Variants in LRRC37A2 observed in about 807,000 individuals in gnomAD.
LRRC37A2 encodes leucine rich repeat containing 37 member A2, also known as leucine-rich repeat-containing protein 37A2.
In LRRC37A2, 9 loss-of-function variants were observed where a neutral mutation model predicts 68.8. That is an observed-to-expected ratio of 0.13 (90% CI 0.08 to 0.23). The LOEUF (loss-of-function observed/expected upper bound fraction) is 0.23, where lower values mean the gene tolerates loss of function less well. Among genes scored for constraint, LRRC37A2 ranks in the 10% least tolerant of loss-of-function variants. The pLI is 1.00. For missense variants in LRRC37A2, 168 were observed against 950.4 expected (o/e 0.18, Z 10.82); for synonymous variants, 63 against 367.6 (o/e 0.17, Z 9.48).
chr17:46,497,668 G>A, the LRRC37A2 span, among the ~76,000 whole-genome samples: 1 of 149,854 alleles, frequency 6.7e-6, no homozygotes, highest in Non-Finnish European at 1.5e-5. Flanking sequence ...TACTTTCAGT[G>A]TATATTATAT....
chr17:46,787,903 C>T, the LRRC37A2 span, among the ~76,000 whole-genome samples: 2 of 151,296 alleles, frequency 1.3e-5, no homozygotes, highest in Admixed American at 6.6e-5. Flanking sequence ...TTTCAGTGAG[C>T]CGAGATTGTG....
the LRRC37A2 span, chr17:47,049,091 G>A: frequency 4.1e-5 from 32 of 772,700 alleles, no homozygotes; most frequent in South Asian, 1.6e-5. Flanking sequence ...CTCTCTGAAT[G>A]GCACTCAAAT....
chr17:46,473,931 A>G, the LRRC37A2 span, among the ~76,000 whole-genome samples: 30 of 108,036 alleles, frequency 2.8e-4, 1 homozygote, highest in African/African-American at 3.6e-4. Context: ...TATCCTTATC[A>G]GAGATTTAAT....
the LRRC37A2 span, among the ~76,000 whole-genome samples, chr17:46,710,452 A>G: frequency 2.0e-5 from 3 of 152,336 alleles, no homozygotes; most frequent in South Asian, 6.2e-4. Flanking sequence ...TTACACATAT[A>G]AACTTAACAT....
At chr17:46,409,412 T>C in the LRRC37A2 span, among the ~76,000 whole-genome samples, 1 of 150,958 alleles carries the variant, frequency 6.6e-6, no homozygotes, top group African/African-American at 2.4e-5. Flanking sequence ...CCCGAGTAGC[T>C]GAGACTACAG....
At chr17:46,708,823 T>TA in the LRRC37A2 span, among the ~76,000 whole-genome samples, 19,976 of 54,042 alleles carry the variant, frequency 0.37, 2,884 homozygotes, top group South Asian at 0.66. Context: ...TATATATATA[T>TA]TTTTTTTTTT....
the LRRC37A2 span, chr17:46,923,183 G>C: frequency 6.5e-7 from 1 of 1,537,622 alleles, no homozygotes; most frequent in Admixed American, 2.0e-5. Flanking sequence ...TGGCCTGCGG[G>C]GCCGGCGACA....
At chr17:46,987,026 A>T in the LRRC37A2 span, among the ~76,000 whole-genome samples, 2 of 152,122 alleles carry the variant, frequency 1.3e-5, no homozygotes, top group African/African-American at 4.8e-5. Flanking sequence ...TGGGCGGATC[A>T]TTTGAGGTCA....
At chr17:47,000,029 A>T in the LRRC37A2 span, among the ~76,000 whole-genome samples, 460 of 22,132 alleles carry the variant, frequency 0.021, 30 homozygotes, top group African/African-American at 0.037. Context: ...AAAATAAAAT[A>T]AAATAAAATA....
chr17:46,708,822 ATTTTT>A, the LRRC37A2 span, among the ~76,000 whole-genome samples: 68 of 108,902 alleles, frequency 6.2e-4, no homozygotes, highest in Non-Finnish European at 9.0e-4. Context: ...ATATATATAT[ATTTTT>A]TTTTTTTTTT....
the LRRC37A2 span, chr17:46,938,560 C>T: frequency 1.2e-6 from 2 of 1,613,058 alleles, no homozygotes; most frequent in Middle Eastern, 1.7e-4. Context: ...GGTAAAGCGA[C>T]TTGATGTTTG....
the LRRC37A2 span, among the ~76,000 whole-genome samples, chr17:46,834,437 C>T: frequency 6.6e-6 from 1 of 152,144 alleles, no homozygotes; most frequent in African/African-American, 2.4e-5. Flanking sequence ...AAGGAGCCCA[C>T]TAGGGCACCT....
At chr17:46,891,626 C>T in the LRRC37A2 span, among the ~76,000 whole-genome samples, 9 of 152,188 alleles carry the variant, frequency 5.9e-5, no homozygotes, top group Non-Finnish European at 1.0e-4. Context: ...TTTGTCTGTA[C>T]GGAACACCAG....
At chr17:46,991,393 G>A in the LRRC37A2 span, among the ~76,000 whole-genome samples, 4 of 152,102 alleles carry the variant, frequency 2.6e-5, no homozygotes, top group East Asian at 3.9e-4. Flanking sequence ...TTGGGAGGCC[G>A]AGGTGGGTGG....
intron 11 of LRRC37A2, 122 bp from the exon 11 acceptor site, chr17:46,553,278 G>A (rs1461484964): frequency 6.7e-7 from 1 of 1,492,484 alleles, no homozygotes; most frequent in Admixed American, 2.0e-5. Context: ...TACAATTCCT[G>A]TCTTCAAAAA....
chr17:47,019,311 C>T, the LRRC37A2 span: 11 of 1,607,878 alleles, frequency 6.8e-6, no homozygotes, highest in Non-Finnish European at 9.3e-6. Context: ...AGACAAGGGT[C>T]AGGCTCAGCA....
At chr17:46,726,719 A>G in the LRRC37A2 span, 1 of 976,052 alleles carries the variant, frequency 1.0e-6, no homozygotes, top group Non-Finnish European at 1.7e-6. Context: ...GTAAAGCAAT[A>G]GAAATACCTT....
chr17:46,534,745 G>A (rs1382819850), intron 6 of LRRC37A2, among the ~76,000 whole-genome samples: 1 of 149,934 alleles, frequency 6.7e-6, no homozygotes, highest in Non-Finnish European at 1.5e-5. Flanking sequence ...CCGGGCAGAG[G>A]GGCTCCTCAC....
At chr17:46,917,731 C>T in the LRRC37A2 span, among the ~76,000 whole-genome samples, 7 of 152,200 alleles carry the variant, frequency 4.6e-5, no homozygotes, top group African/African-American at 1.2e-4. Context: ...TGGGGACTCT[C>T]TGCAGTACCA....
Sources: allele counts gnomAD v4.1 joint callset (sites outside exome capture counted in the v4.1 genomes callset), GRCh38; gene constraint gnomAD v4.1.1; transcripts MANE v1.5; gene names NCBI Gene and HGNC (gene_info 2026-07-23, HGNC 2026-07-21).